Variants in EIPR1 observed in about 807,000 individuals in gnomAD.
EIPR1 encodes EARP and GARP complex-interacting protein 1.
A neutral mutation model predicts 48.1 loss-of-function variants in EIPR1; 25 were observed. That is an observed-to-expected ratio of 0.52 (90% CI 0.38 to 0.73). The LOEUF is 0.73. EIPR1 is among the 30% of genes least tolerant of loss of function. The pLI is 0.00. For synonymous variants in EIPR1, 204 were observed against 201.9 expected (o/e 1.01, Z -0.09); for missense variants, 415 against 506.2 (o/e 0.82, Z 1.73).
At chr2:3,366,377 C>T (rs965725206) in intron 1 of EIPR1, among the ~76,000 whole-genome samples, 15 of 152,188 alleles carry the variant, frequency 9.9e-5, no homozygotes, top group African/African-American at 3.6e-4. Context: ...GGCAAGACAA[C>T]CCAAGACAAA....
At chr2:3,325,921 T>G (rs1017099273) in intron 3 of EIPR1, among the ~76,000 whole-genome samples, 2 of 152,206 alleles carry the variant, frequency 1.3e-5, no homozygotes, top group African/African-American at 4.8e-5. Context: ...CTTAAGAAGC[T>G]CCCATCATGG....
rs112944376 is a variant in EIPR1 at position 3,241,172 on chromosome 2, C to G, written c.416+16127G>C. Among the ~76,000 whole-genome samples the G allele has an allele frequency of 6.2e-4, 95 of 152,024 alleles. 1 individual carries two copies. The highest frequency in any genetic ancestry group is 2.0e-3 in the African/African-American group (81 of 41,450). ...TAGCCAGCAGATCCTTCCTCAAGAACAGCGAGCAGGTCCCTCCTAAAGCAA... is the reference window on the plus strand; with the variant it reads ...TAGCCAGCAGATCCTTCCTCAAGAAGAGCGAGCAGGTCCCTCCTAAAGCAA... On this transcript the variant is annotated intron_variant, in intron 4 of 8. Coordinates refer to ENST00000382125, the MANE Select transcript of EIPR1 (RefSeq NM_003310.5).
At chr2:3,349,086 A>G (rs559488354) in intron 2 of EIPR1, among the ~76,000 whole-genome samples, 1 of 152,344 alleles carries the variant, frequency 6.6e-6, no homozygotes, top group East Asian at 1.9e-4. Context: ...GTGTGTCTGT[A>G]CAAAAGTGTA....
At chr2:3,354,950 G>A (rs1178807785) in intron 1 of EIPR1, among the ~76,000 whole-genome samples, 2 of 152,136 alleles carry the variant, frequency 1.3e-5, no homozygotes. Context: ...GTAAAAGACT[G>A]GTTAAACAAA....
At chr2:3,370,133 T>C (rs1410020092) in intron 1 of EIPR1, among the ~76,000 whole-genome samples, 2 of 152,214 alleles carry the variant, frequency 1.3e-5, no homozygotes, top group Non-Finnish European at 2.9e-5. Context: ...AAACAGGGTC[T>C]GGAGTGGACC....
chr2:3,206,747 T>C (rs923599712), intron 5 of EIPR1, among the ~76,000 whole-genome samples: 1 of 151,314 alleles, frequency 6.6e-6, no homozygotes, highest in Non-Finnish European at 1.5e-5. Context: ...CAGATCAGAA[T>C]TATTTTTTTT....
intron 3 of EIPR1, among the ~76,000 whole-genome samples, chr2:3,295,469 C>CAA (rs1368023362): frequency 7.4e-6 from 1 of 134,322 alleles, no homozygotes; most frequent in Non-Finnish European, 1.6e-5. Flanking sequence ...CCTCTCTCTA[C>CAA]ACACCCTCCA....
intron 5 of EIPR1, among the ~76,000 whole-genome samples, chr2:3,209,634 A>C (rs1665371603): frequency 6.6e-6 from 1 of 152,184 alleles, no homozygotes; most frequent in Admixed American, 6.5e-5. Flanking sequence ...AAGACCAACA[A>C]ACTGAACTTC....
rs189913660 is a variant in EIPR1, at chr2:3,228,180, G to A, written c.417-13932C>T. Reference sequence around the variant, plus strand: ...TGCCGGCCCATGAAAGCAGCCAGTCGGGTGTACCCTGTGAAGCCACAGTGG... The same window carrying A: ...TGCCGGCCCATGAAAGCAGCCAGTCAGGTGTACCCTGTGAAGCCACAGTGG... On this transcript the variant is annotated intron_variant, in intron 4 of 8. Coordinates refer to ENST00000382125, the MANE Select transcript of EIPR1 (RefSeq NM_003310.5). Among the ~76,000 whole-genome samples the A allele has an allele frequency of 1.2e-4, 19 of 152,362 alleles. No homozygotes were observed. In the South Asian group the frequency reaches 2.5e-3, roughly 20 times the overall value.
intron 3 of EIPR1, among the ~76,000 whole-genome samples, chr2:3,264,780 C>T (rs1241693858): frequency 2.6e-5 from 4 of 152,168 alleles, no homozygotes; most frequent in South Asian, 2.1e-4. Context: ...CTCCGCCTCC[C>T]GGGTTCAAGC....
intron 3 of EIPR1, among the ~76,000 whole-genome samples, chr2:3,335,792 G>C (rs190010899): frequency 3.5e-4 from 53 of 152,252 alleles, no homozygotes; most frequent in Middle Eastern, 6.8e-3. Context: ...GCCTTGTGAA[G>C]AAGGCCCTGG....
rs1664875945 is a variant in EIPR1 at position 3,198,167 on chromosome 2, A to G, written c.517-1150T>C. Among the ~76,000 whole-genome samples the G allele has an allele frequency of 2.6e-5, 4 of 152,216 alleles. No homozygotes were observed. In the South Asian group the frequency reaches 6.2e-4, roughly 24 times the overall value. On this transcript the variant is annotated intron_variant, in intron 5 of 8. Coordinates refer to ENST00000382125, the MANE Select transcript of EIPR1 (RefSeq NM_003310.5). ...GGCAGTTCCCAGTGAGAAATAGGGC[A>G]CCGTCTAAGCCACAGGTAAAGGGCT... is the stretch of plus-strand genomic sequence containing the variant.
chr2:3,367,151 T>C (rs1324433367), intron 1 of EIPR1, among the ~76,000 whole-genome samples: 1 of 151,446 alleles, frequency 6.6e-6, no homozygotes, highest in East Asian at 1.9e-4. Flanking sequence ...AATCCTCAAT[T>C]CTCAGAGACT....
At chr2:3,276,297 CATAA>C (rs754215302) in intron 3 of EIPR1, among the ~76,000 whole-genome samples, 32 of 152,348 alleles carry the variant, frequency 2.1e-4, no homozygotes, top group South Asian at 4.1e-4. Context: ...TATTCTGGTG[CATAA>C]ATATTCATCT....
At chr2:3,225,222 ATGTGTGTGTGTGTGTGTG>A (rs61557621) in intron 4 of EIPR1, among the ~76,000 whole-genome samples, 34 of 136,928 alleles carry the variant, frequency 2.5e-4, no homozygotes, top group African/African-American at 7.7e-4. Context: ...ACACTGTGAT[ATGTGTGTGTGTGTGTGTG>A]TGTGTGTGTG....
At chr2:3,241,971 AC>A (rs1666643113) in intron 4 of EIPR1, among the ~76,000 whole-genome samples, 1 of 152,132 alleles carries the variant, frequency 6.6e-6, no homozygotes, top group Non-Finnish European at 1.5e-5. Flanking sequence ...TCTCAGAACA[AC>A]CTCAACACAA....
At chr2:3,259,976 A>G (rs542880738) in intron 3 of EIPR1, among the ~76,000 whole-genome samples, 2 of 152,370 alleles carry the variant, frequency 1.3e-5, no homozygotes, top group East Asian at 3.9e-4. Flanking sequence ...AAATCTTTTC[A>G]AGAATACATA....
intron 4 of EIPR1, among the ~76,000 whole-genome samples, chr2:3,223,116 A>G (rs1267561968): frequency 2.0e-5 from 3 of 152,232 alleles, no homozygotes; most frequent in Non-Finnish European, 2.9e-5. Flanking sequence ...GGAAGGGCAC[A>G]TAGCTTACAA....
At chr2:3,373,732 TACAA>T (rs1285624439) in intron 1 of EIPR1, among the ~76,000 whole-genome samples, 2 of 151,916 alleles carry the variant, frequency 1.3e-5, no homozygotes, top group African/African-American at 2.4e-5. Context: ...TAGAAGAGAA[TACAA>T]ACAAATGGAA....
Sources: allele counts gnomAD v4.1 joint callset (sites outside exome capture counted in the v4.1 genomes callset), GRCh38; gene constraint gnomAD v4.1.1; transcripts MANE v1.5; gene names NCBI Gene and HGNC (gene_info 2026-07-23, HGNC 2026-07-21).